SLIT2: variants seen among roughly 807,000 people sequenced by gnomAD.
The protein encoded by SLIT2 is slit homolog 2 protein.
A neutral mutation model predicts 185.7 loss-of-function variants in SLIT2; 41 were observed. The observed-to-expected ratio is 0.22, with a 90% CI of 0.17 to 0.29. The LOEUF (loss-of-function observed/expected upper bound fraction) is 0.29, where lower values mean the gene tolerates loss of function less well. Ranked by LOEUF, SLIT2 falls within the 10% of genes least tolerant of loss-of-function variation. The pLI, the probability that SLIT2 is intolerant of heterozygous loss-of-function variation, is 1.00. For missense variants in SLIT2, 1,571 were observed against 1,909.0 expected, an observed-to-expected ratio of 0.82 and a Z score of 3.30; for synonymous variants, 693 against 680.2, an observed-to-expected ratio of 1.02 and a Z score of -0.29.
chr4:20,377,822 G>A (rs1724159453), intron 4 of SLIT2, among the ~76,000 whole-genome samples: 1 of 152,044 alleles, frequency 6.6e-6, no homozygotes, highest in South Asian at 2.1e-4. Flanking sequence ...TAATAGGTGT[G>A]GTATCTGTAA....
At chr4:20,545,283 G>A (rs1176658748) in intron 21 of SLIT2, among the ~76,000 whole-genome samples, 2 of 151,994 alleles carry the variant, frequency 1.3e-5, no homozygotes, top group Non-Finnish European at 2.9e-5. Context: ...AGGAAAAACA[G>A]CCTTGGAAGG....
chr4:20,489,900 A>G (rs1467692190), intron 8 of SLIT2: 2 of 152,104 alleles, frequency 1.3e-5, no homozygotes, highest in African/African-American at 4.8e-5. Context: ...CATCCTGGGT[A>G]ACATGGTGAA....
intron 21 of SLIT2, among the ~76,000 whole-genome samples, chr4:20,543,845 C>T (rs1577896269): frequency 6.6e-6 from 1 of 152,256 alleles, no homozygotes; most frequent in African/African-American, 2.4e-5. Flanking sequence ...GGTTAATCAA[C>T]TGGAAGGACT....
At chr4:20,569,300 A>C (rs1725364383) in intron 29 of SLIT2, 1 of 354,322 alleles carries the variant, frequency 2.8e-6, no homozygotes. Flanking sequence ...ATTTTTGTGC[A>C]AACCATTTTC....
chr4:20,412,815 G>A (rs1366734212), intron 4 of SLIT2, among the ~76,000 whole-genome samples: 3 of 151,998 alleles, frequency 2.0e-5, no homozygotes, highest in African/African-American at 7.2e-5. Context: ...CAGCCCATTA[G>A]CAATCATTAT....
intron 5 of SLIT2, among the ~76,000 whole-genome samples, chr4:20,476,713 T>C (rs1354369302): frequency 6.6e-6 from 1 of 152,162 alleles, no homozygotes; most frequent in African/African-American, 2.4e-5. Context: ...ACTGCAGTTT[T>C]ATATAGTTAT....
chr4:20,395,398 T>C (rs1490036576), intron 4 of SLIT2, among the ~76,000 whole-genome samples: 2 of 151,998 alleles, frequency 1.3e-5, no homozygotes, highest in African/African-American at 4.8e-5. Flanking sequence ...TTCAAATGCA[T>C]AGGCAGGAAC....
intron 24 of SLIT2, 22 bp from the exon 25 acceptor site, chr4:20,550,805 T>A: frequency 6.6e-7 from 1 of 1,523,668 alleles, no homozygotes; most frequent in Admixed American, 1.7e-5. Flanking sequence ...GGAAGTTTAA[T>A]TTTTCTTTTT....
intron 12 of SLIT2, 80 bp from the exon 13 acceptor site, chr4:20,523,680 G>T (rs1721031991): frequency 8.5e-7 from 1 of 1,178,298 alleles, no homozygotes. Context: ...TCTTGACTGG[G>T]TTTCCTTAAA....
intron 4 of SLIT2, among the ~76,000 whole-genome samples, chr4:20,387,714 A>G (rs2109357257): frequency 6.6e-6 from 1 of 152,288 alleles, no homozygotes. Context: ...CTCTGAGAGC[A>G]GAGGGTGGCC....
chr4:20,274,619 A>G (rs1713976868), intron 4 of SLIT2, among the ~76,000 whole-genome samples: 1 of 152,180 alleles, frequency 6.6e-6, no homozygotes, highest in African/African-American at 2.4e-5. Flanking sequence ...GTTGCTAAAG[A>G]AAGCTAACAG....
intron 4 of SLIT2, among the ~76,000 whole-genome samples, chr4:20,440,440 C>T (rs1450796747): frequency 6.6e-6 from 1 of 152,066 alleles, no homozygotes. Context: ...GACTTTAAAT[C>T]AACTTCTGAA....
At chr4:20,588,952 A>G (rs372111398) in intron 29 of SLIT2, among the ~76,000 whole-genome samples, 4 of 152,178 alleles carry the variant, frequency 2.6e-5, no homozygotes, top group African/African-American at 7.2e-5. Context: ...TGGCTCTAAG[A>G]AGTTTTCTGT....
chr4:20,554,962 G>A lies in SLIT2; in HGVS notation c.2725+994G>A, dbSNP rs539238028. ...TTTTTGTATTTTTAGTAGAGACGGG[G>A]TTTCACCATGTTGGCCAGGCTGGTC... On this transcript the variant is annotated intron_variant, in intron 26 of 36. Transcript: ENST00000504154. Among the ~76,000 whole-genome samples, 198 of 152,122 alleles carry A rather than the reference G, an allele frequency of 1.3e-3. 1 individual carries two copies. The highest frequency in any genetic ancestry group is 4.6e-3 in the African/African-American group (192 of 41,510).
intron 22 of SLIT2, among the ~76,000 whole-genome samples, chr4:20,547,733 T>C (rs538658195): frequency 2.7e-5 from 4 of 150,714 alleles, no homozygotes; most frequent in African/African-American, 7.3e-5. Context: ...TTTTTACATA[T>C]ATAGTGTGTG....
At chr4:20,566,328 T>C (rs915692244) in intron 26 of SLIT2, among the ~76,000 whole-genome samples, 1 of 152,094 alleles carries the variant, frequency 6.6e-6, no homozygotes, top group Non-Finnish European at 1.5e-5. Context: ...TGTATAAAGA[T>C]GTCAGTGTCC....
At chr4:20,380,582 TAAGAA>T (rs1180390142) in intron 4 of SLIT2, among the ~76,000 whole-genome samples, 1 of 151,890 alleles carries the variant, frequency 6.6e-6, no homozygotes, top group Non-Finnish European at 1.5e-5. Context: ...AAATGAAAGA[TAAGAA>T]AAGATGCAAG....
chr4:20,558,623 C>T (rs1305014632), intron 26 of SLIT2, among the ~76,000 whole-genome samples: 1 of 151,990 alleles, frequency 6.6e-6, no homozygotes, highest in Non-Finnish European at 1.5e-5. Flanking sequence ...CAAGGTCTGC[C>T]TGTACATACA....
chr4:20,393,057 C>T (rs980364566), intron 4 of SLIT2, among the ~76,000 whole-genome samples: 2 of 152,076 alleles, frequency 1.3e-5, no homozygotes, highest in African/African-American at 4.8e-5. Context: ...ACCAGCATCA[C>T]CACAGACACT....
Sources: allele counts gnomAD v4.1 joint callset (sites outside exome capture counted in the v4.1 genomes callset), GRCh38; gene constraint gnomAD v4.1.1; transcripts MANE v1.5; gene names NCBI Gene and HGNC (gene_info 2026-07-23, HGNC 2026-07-21).